FER: variants seen among roughly 807,000 people sequenced by gnomAD.
FER encodes the protein tyrosine-protein kinase Fer.
FER carries 63 observed loss-of-function variants against 111.0 expected under a neutral mutation model. That is an observed-to-expected ratio of 0.57 (90% CI 0.46 to 0.70). The LOEUF (loss-of-function observed/expected upper bound fraction) is 0.70. Among genes scored for constraint, FER ranks in the 30% least tolerant of loss-of-function variants. The pLI, the probability that FER is intolerant of heterozygous loss-of-function variation, is 0.00. For synonymous variants in FER, 327 were observed against 313.9 expected, an observed-to-expected ratio of 1.04 and a Z score of -0.44; for missense variants, 914 against 954.0, an observed-to-expected ratio of 0.96 and a Z score of 0.55.
rs1401482639 is a variant in FER, at chr5:109,196,374, T to C, written c.*8799T>C. On this transcript the variant is annotated 3_prime_UTR_variant, in exon 20 of 20. Transcript: ENST00000281092. Reference sequence around the variant, plus strand: ...CTGTGGTTTGCCGATTTATGGTCCATTTAATGTTAGGCTAAAGCACCTTTA... The same window carrying C: ...CTGTGGTTTGCCGATTTATGGTCCACTTAATGTTAGGCTAAAGCACCTTTA... The C allele has an allele frequency of 6.6e-6, 1 of 152,236 alleles. No individual in the cohort carries two copies. Among genetic ancestry groups the C allele is most frequent in the Non-Finnish European group, 1.5e-5 (1 of 68,038 alleles). 9.4% of individuals were successfully genotyped at this position (152,236 alleles called of 1,614,324 possible).
At position 108,820,402 on chromosome 5, in the gene FER, G is replaced by A. The variant is rs1758716301; in HGVS notation, c.208-12368G>A. The A allele has an allele frequency of 7.1e-6, 7 of 985,280 alleles. No individual in the cohort carries two copies. In the South Asian group the frequency reaches 2.8e-4, roughly 40 times the overall value. The allele number at this position is 985,280 out of a possible 1,614,324, so 61.0% of individuals were successfully genotyped here. A position where few individuals can be genotyped will look rare whatever the true frequency, so the allele number is the denominator to read the frequency against. On this transcript the variant is annotated intron_variant, in intron 3 of 19. Coordinates refer to ENST00000281092, the MANE Select transcript of FER (RefSeq NM_005246.4). ...ACTTCTGAAGAATAAAGGTGACTATGGCTGGTTATTTTTCTGGTTACTGTT... is the reference window on the plus strand; with the variant it reads ...ACTTCTGAAGAATAAAGGTGACTATAGCTGGTTATTTTTCTGGTTACTGTT...
chr5:108,791,575 G>GAT (rs58660662), intron 2 of FER, among the ~76,000 whole-genome samples: 43,420 of 147,302 alleles, frequency 0.29, 6,786 homozygotes, highest in African/African-American at 0.4. Context: ...ACATATATAT[G>GAT]ATATATATAT....
intron 13 of FER, among the ~76,000 whole-genome samples, chr5:108,992,703 G>T (rs1470523489): frequency 6.6e-6 from 1 of 151,808 alleles, no homozygotes; most frequent in Non-Finnish European, 1.5e-5. Flanking sequence ...CCTCCCGGAT[G>T]GGGTGGCTGC....
At chr5:109,100,825 CT>C (rs1748135421) in intron 17 of FER, among the ~76,000 whole-genome samples, 1 of 151,592 alleles carries the variant, frequency 6.6e-6, no homozygotes, top group African/African-American at 2.4e-5. Context: ...AAACTACAGC[CT>C]TATAATCAGA....
intron 9 of FER, among the ~76,000 whole-genome samples, chr5:108,893,798 A>G (rs1055165913): frequency 6.6e-6 from 1 of 152,112 alleles, no homozygotes; most frequent in Non-Finnish European, 1.5e-5. Context: ...TTCTAAGAGC[A>G]TAAAAATCAA....
chr5:108,832,502 G>GC (rs903576730), intron 3 of FER, among the ~76,000 whole-genome samples: 1 of 152,144 alleles, frequency 6.6e-6, no homozygotes, highest in Non-Finnish European at 1.5e-5. Context: ...AATGAAGACT[G>GC]CAAGTGTGGA....
intron 17 of FER, among the ~76,000 whole-genome samples, chr5:109,169,554 A>C (rs1180845803): frequency 2.0e-5 from 3 of 152,190 alleles, no homozygotes; most frequent in Non-Finnish European, 4.4e-5. Context: ...AAGAATGTAA[A>C]TGGGAGGCAA....
chr5:108,928,896 G>C (rs2149574779), intron 10 of FER, among the ~76,000 whole-genome samples: 1 of 152,136 alleles, frequency 6.6e-6, no homozygotes, highest in East Asian at 1.9e-4. Context: ...GCTTTAATCT[G>C]TGTCTAATAT....
intron 17 of FER, among the ~76,000 whole-genome samples, chr5:109,178,542 A>C (rs1757955773): frequency 6.6e-6 from 1 of 152,238 alleles, no homozygotes; most frequent in Non-Finnish European, 1.5e-5. Flanking sequence ...GGATGATGGC[A>C]TTTGGCCCAC....
At chr5:108,786,322 C>T (rs1017051618) in intron 2 of FER, among the ~76,000 whole-genome samples, 2 of 152,056 alleles carry the variant, frequency 1.3e-5, no homozygotes, top group Non-Finnish European at 2.9e-5. Flanking sequence ...CACTCTCTGC[C>T]TGCTTCTTTT....
intron 10 of FER, among the ~76,000 whole-genome samples, chr5:108,933,912 G>A (rs1445652266): frequency 6.6e-6 from 1 of 152,030 alleles, no homozygotes; most frequent in Non-Finnish European, 1.5e-5. Context: ...GTCTATTATT[G>A]GTGTATAGGA....
chr5:109,035,441 G>A (rs2149875758), intron 13 of FER, among the ~76,000 whole-genome samples: 2 of 152,278 alleles, frequency 1.3e-5, no homozygotes, highest in Middle Eastern at 6.8e-3. Context: ...AAAGTGATTT[G>A]CAAGTGCTCT....
At chr5:108,796,601 G>A (rs552884109) in intron 2 of FER, among the ~76,000 whole-genome samples, 1 of 152,162 alleles carries the variant, frequency 6.6e-6, no homozygotes, top group East Asian at 1.9e-4. Flanking sequence ...AGTCTTTCCC[G>A]CTCTTCCCTC....
At chr5:108,940,343 C>T (rs7732510) in intron 10 of FER, among the ~76,000 whole-genome samples, 43,193 of 151,854 alleles carry the variant, frequency 0.28, 6,816 homozygotes, top group African/African-American at 0.43. Context: ...TAGTGTTAAA[C>T]AAATTACTGG....
intron 5 of FER, among the ~76,000 whole-genome samples, chr5:108,862,304 T>C (rs1763601669): frequency 6.6e-6 from 1 of 152,298 alleles, no homozygotes; most frequent in South Asian, 2.1e-4. Flanking sequence ...TGGGAAATTC[T>C]TAACTTCTCT....
chr5:108,779,330 A>T (rs945845930), intron 2 of FER, among the ~76,000 whole-genome samples: 13 of 152,186 alleles, frequency 8.5e-5, no homozygotes, highest in Non-Finnish European at 1.6e-4. Context: ...ACACAAAATA[A>T]CTTGATAAGA....
At chr5:108,883,319 A>G in intron 8 of FER, 77 bp from the exon 9 acceptor site, 1 of 1,355,228 alleles carries the variant, frequency 7.4e-7, no homozygotes, top group Non-Finnish European at 9.9e-7. Context: ...GCAACATAAG[A>G]TGTATGAATA....
chr5:108,997,420 A>C (rs1764140401), intron 13 of FER, among the ~76,000 whole-genome samples: 3 of 150,268 alleles, frequency 2.0e-5, no homozygotes, highest in Admixed American at 6.6e-5. Flanking sequence ...CTGTCTCAAA[A>C]AAAAAAAAAA....
chr5:108,800,972 G>C (rs944961334), intron 3 of FER, among the ~76,000 whole-genome samples: 3 of 152,108 alleles, frequency 2.0e-5, no homozygotes, highest in Admixed American at 1.3e-4. Context: ...GCGTGAACCC[G>C]GGAGGCGGAG....
Sources: gnomAD v4.1 joint callset for allele counts (sites outside exome capture counted in the v4.1 genomes callset) on GRCh38, gnomAD v4.1.1 for gene constraint, MANE v1.5 for transcripts, NCBI Gene and HGNC (gene_info 2026-07-23, HGNC 2026-07-21) for gene names.